The following HSF5 variants were observed in gnomAD, a reference collection of about 807,000 sequenced individuals.
HSF5 encodes the protein heat shock factor protein 5.
Under a neutral mutation model 50.8 loss-of-function variants are expected in HSF5, and 5 were observed. The ratio of observed to expected loss-of-function variants is 0.10; its 90% CI spans 0.05 to 0.21. HSF5 has a LOEUF of 0.21. HSF5 is among the 10% of genes least tolerant of loss of function. The pLI is 1.00. For missense variants in HSF5, 564 were observed against 762.6 expected (o/e 0.74, Z 3.07); for synonymous variants, 307 against 307.4 (o/e 1.00, Z 0.02).
intron 1 of HSF5, among the ~76,000 whole-genome samples, chr17:58,484,435 G>C (rs891384731): frequency 2.6e-5 from 4 of 152,198 alleles, no homozygotes; most frequent in Non-Finnish European, 5.9e-5. Flanking sequence ...GTTTAAGATA[G>C]TTGAGGGTAA....
chr17:58,459,888 A>T (rs185460905), intron 4 of HSF5, among the ~76,000 whole-genome samples: 261 of 152,264 alleles, frequency 1.7e-3, no homozygotes, highest in South Asian at 6.0e-3. Flanking sequence ...CATAGGCATG[A>T]TCCTGTTAGA....
At chr17:58,448,113 AAC>A (rs569007913) in intron 5 of HSF5, among the ~76,000 whole-genome samples, 387 of 140,596 alleles carry the variant, frequency 2.8e-3, no homozygotes, top group Non-Finnish European at 4.5e-3. Context: ...CAGCCTGGGT[AAC>A]AGAGTGAGAA....
chr17:58,448,438 C>A (rs1974591246), intron 5 of HSF5, among the ~76,000 whole-genome samples: 1 of 152,124 alleles, frequency 6.6e-6, no homozygotes, highest in African/African-American at 2.4e-5. Context: ...ATGCAATAAT[C>A]AAACTCTTAA....
rs938580214 is a variant in HSF5, at chr17:58,488,133, C to A, written c.142G>T (p.Ala48Ser). Residue 48 changes from alanine (A) to serine (S), a missense_variant, in exon 1 of 6, where the codon GCC becomes TCC. Physicochemically the swap from Ala to Ser is moderately conservative, Grantham distance 99 (BLOSUM62 1). This residue lies in a region of HSF5 where 72 missense variants were observed against 110.9 expected (regional missense o/e 0.65). Coordinates refer to ENST00000323777, the MANE Select transcript of HSF5 (RefSeq NM_001080439.3). The surrounding 1 kb of genome is among the most constrained non-coding windows in gnomAD (Gnocchi z 4.1). ...GLLIDQPLFE[A>S]ELLSPPGPGG... ...GGCCCGGGCGGGCTGAGCAGCTCGG[C>A]CTCGAAGAGCGGCTGATCGATAAGC... is the stretch of plus-strand genomic sequence containing the variant. 5 of 1,560,120 alleles carry A rather than the reference C, an allele frequency of 3.2e-6. No individual in the cohort carries two copies. In the African/African-American group the frequency reaches 7.0e-5, roughly 22 times the overall value.
At chr17:58,438,028 A>G (rs996889141) in intron 5 of HSF5, among the ~76,000 whole-genome samples, 2 of 152,174 alleles carry the variant, frequency 1.3e-5, no homozygotes, top group African/African-American at 4.8e-5. Context: ...CAATTACAGC[A>G]TAGAGAAGGT....
At chr17:58,479,596 T>C (rs1187166152) in intron 2 of HSF5, among the ~76,000 whole-genome samples, 1 of 152,124 alleles carries the variant, frequency 6.6e-6, no homozygotes, top group Non-Finnish European at 1.5e-5. Flanking sequence ...GGCCACCACA[T>C]CTGGCCTTGG....
chr17:58,435,165 GAT>G (rs1224342470), intron 5 of HSF5, among the ~76,000 whole-genome samples: 1 of 152,184 alleles, frequency 6.6e-6, no homozygotes, highest in East Asian at 1.9e-4. Context: ...GAGAGGACAG[GAT>G]ATAATAGAGT....
rs771099616 is a variant in HSF5, at chr17:58,487,768, G to T, written c.507C>A (p.His169Gln). ...GCCCCGCGGGCGGCGGCGGCTGCTGGTGCTGCAGTGGCGCGGTGGCGGCGG... is the reference window on the plus strand; with the variant it reads ...GCCCCGCGGGCGGCGGCGGCTGCTGTTGCTGCAGTGGCGCGGTGGCGGCGG... ...SASAATAPLQ[H>Q]QQPPPPAGPR... Residue 169 changes from histidine (H) to glutamine (Q), a missense_variant, in exon 1 of 6, where the codon CAC (histidine) becomes CAA (glutamine). Physicochemically the swap from His to Gln is conservative, Grantham distance 24 (BLOSUM62 0). Around this residue, in one of 5 missense-constraint regions of HSF5, gnomAD observed 441 missense variants for 533.6 expected, o/e 0.83. Transcript: ENST00000323777. 3.3e-5 allele frequency: 48 copies of T among 1,467,330 alleles called. No homozygotes were observed. Among genetic ancestry groups the T allele is most frequent in the Non-Finnish European group, 4.2e-5 (47 of 1,119,842 alleles). The allele number at this position is 1,467,330 out of a possible 1,614,324, so 90.9% of individuals were successfully genotyped here. A position where few individuals can be genotyped will look rare whatever the true frequency, so the allele number is the denominator to read the frequency against.
intron 5 of HSF5, among the ~76,000 whole-genome samples, chr17:58,451,965 AAG>A (rs2143764947): frequency 6.6e-6 from 1 of 151,416 alleles, no homozygotes; most frequent in East Asian, 1.9e-4. Context: ...AAAAAAAAAA[AAG>A]GACGGCCAGG....
rs116391664 is a variant in HSF5 at position 58,428,165 on chromosome 17, C to T, written c.1721-5735G>A. ...CTGTCAGCAAACCAGATTTGATCCA[C>T]AGGGCTTAGTTTACTAACTCCTCTT... is the stretch of plus-strand genomic sequence containing the variant. On this transcript the variant is annotated intron_variant, in intron 5 of 5. Coordinates refer to ENST00000323777, the MANE Select transcript of HSF5 (RefSeq NM_001080439.3). Among the ~76,000 whole-genome samples the T allele has an allele frequency of 7.0e-3, 1,067 of 152,300 alleles. 9 individuals carry two copies. Among genetic ancestry groups the T allele is most frequent in the African/African-American group, 0.024 (1,003 of 41,568 alleles).
intron 5 of HSF5, among the ~76,000 whole-genome samples, chr17:58,445,920 G>A (rs771445496): frequency 5.3e-5 from 8 of 152,074 alleles, no homozygotes; most frequent in African/African-American, 1.9e-4. Flanking sequence ...CAGATCACCC[G>A]AGGTCAGGAG....
At chr17:58,430,963 A>T (rs1266016788) in intron 5 of HSF5, among the ~76,000 whole-genome samples, 7 of 152,310 alleles carry the variant, frequency 4.6e-5, no homozygotes, top group Non-Finnish European at 1.5e-5. Context: ...CCCCAACCCA[A>T]ATCCCACCTT....
Position 58,463,313 on chromosome 17 carries a change from GA to G in HSF5, c.1021-11del, listed in dbSNP as rs755038946. On this transcript the variant is annotated splice_polypyrimidine_tract_variant and intron_variant, in intron 3 of 5. Transcript: ENST00000323777. ...ACTGCATTGAAGGATTCTGGGAAAAGAAAAAATATAACTGTTTGGATAGAAA... is the reference window on the plus strand; with the variant it reads ...ACTGCATTGAAGGATTCTGGGAAAAGAAAAATATAACTGTTTGGATAGAAA... The G allele has an allele frequency of 6.3e-7, 1 of 1,596,920 alleles. No homozygotes were observed. The highest frequency in any genetic ancestry group is 8.5e-7 in the Non-Finnish European group (1 of 1,170,848).
chr17:58,475,083 C>A (rs1237992612), intron 2 of HSF5, among the ~76,000 whole-genome samples: 1 of 152,094 alleles, frequency 6.6e-6, no homozygotes, highest in Non-Finnish European at 1.5e-5. Flanking sequence ...CAACGCCATT[C>A]ACCAAAAGAG....
chr17:58,461,114 T>C (rs1297556538), intron 4 of HSF5, among the ~76,000 whole-genome samples: 1 of 151,708 alleles, frequency 6.6e-6, no homozygotes, highest in Non-Finnish European at 1.5e-5. Context: ...CTCAGGAGGC[T>C]GAGGCAGAAG....
chr17:58,463,603 A>C (rs889632895), intron 3 of HSF5, among the ~76,000 whole-genome samples: 2 of 152,234 alleles, frequency 1.3e-5, no homozygotes, highest in Non-Finnish European at 2.9e-5. Flanking sequence ...CTATTTGCTG[A>C]TAAAGCATCT....
At chr17:58,433,977 G>A (rs1974395271) in intron 5 of HSF5, among the ~76,000 whole-genome samples, 1 of 138,678 alleles carries the variant, frequency 7.2e-6, no homozygotes, top group South Asian at 2.3e-4. Context: ...GCAGTGGCGT[G>A]TTCTTGGCTC....
At chr17:58,433,449 G>A (rs972152087) in intron 5 of HSF5, among the ~76,000 whole-genome samples, 3 of 152,108 alleles carry the variant, frequency 2.0e-5, no homozygotes, top group Middle Eastern at 3.2e-3. Context: ...TACAGATTTC[G>A]GAGACACCAC....
chr17:58,486,567 T>C (rs539199670), intron 1 of HSF5, among the ~76,000 whole-genome samples: 2 of 152,336 alleles, frequency 1.3e-5, no homozygotes, highest in East Asian at 1.9e-4. Flanking sequence ...AAAACCATCT[T>C]TGCCTTATGT....
Sources: allele counts gnomAD v4.1 joint callset (sites outside exome capture counted in the v4.1 genomes callset), GRCh38; gene constraint gnomAD v4.1.1; regional missense constraint gnomAD v4.1.1; non-coding constraint Gnocchi (gnomAD v3.1); transcripts MANE v1.5; gene names NCBI Gene and HGNC (gene_info 2026-07-23, HGNC 2026-07-21).